PI4K2B: variants seen among roughly 807,000 people sequenced by gnomAD.
PI4K2B encodes phosphatidylinositol 4-kinase type 2 beta.
In PI4K2B, 46 loss-of-function variants were observed where a neutral mutation model predicts 56.6. That is an observed-to-expected ratio of 0.81 (90% CI 0.64 to 1.04). PI4K2B has a LOEUF of 1.04. Among genes scored for constraint, PI4K2B ranks in the 50% least tolerant of loss-of-function variants. The pLI, the probability that PI4K2B is intolerant of heterozygous loss-of-function variation, is 0.00. For synonymous variants in PI4K2B, 211 were observed against 223.8 expected (o/e 0.94, Z 0.51); for missense variants, 556 against 607.7 (o/e 0.91, Z 0.89).
chr4:25,239,503 G>T (rs1715424330), intron 1 of PI4K2B, among the ~76,000 whole-genome samples: 3 of 64,238 alleles, frequency 4.7e-5, no homozygotes, highest in South Asian at 8.4e-4. Context: ...CCCGGGGCCG[G>T]TGGGGCCGGC....
chr4:25,255,244 G>A lies in PI4K2B; in HGVS notation c.603G>A (p.Leu201=). Residue 201 remains leucine (L), a synonymous_variant, in exon 3 of 10, where the codon CTG becomes CTA. Transcript: ENST00000264864. ...ATCTTGTGGACAACAAGCTTCATCTGAGCATTGTACCTAAAACAAAGGTAA... is the reference window on the plus strand; with the variant it reads ...ATCTTGTGGACAACAAGCTTCATCTAAGCATTGTACCTAAAACAAAGGTAA... ...GAYLVDNKLH[L]SIVPKTKVVW... 1.9e-6 allele frequency: 3 copies of A among 1,614,010 alleles called. No individual in the cohort carries two copies. Among genetic ancestry groups the A allele is most frequent in the Non-Finnish European group, 1.7e-6 (2 of 1,179,918 alleles).
intron 1 of PI4K2B, among the ~76,000 whole-genome samples, chr4:25,245,679 C>T (rs943728747): frequency 2.8e-4 from 42 of 152,106 alleles, no homozygotes; most frequent in Middle Eastern, 6.3e-3. Context: ...ATTTAGCCCC[C>T]GTTCTAAGGA....
intron 6 of PI4K2B, among the ~76,000 whole-genome samples, chr4:25,261,950 A>G (rs1560376700): frequency 6.6e-6 from 1 of 152,164 alleles, no homozygotes; most frequent in Non-Finnish European, 1.5e-5. Context: ...ATAATAATAA[A>G]TGGCAGTTGT....
At chr4:25,265,661 C>T (rs1002258986) in intron 7 of PI4K2B, among the ~76,000 whole-genome samples, 2 of 152,076 alleles carry the variant, frequency 1.3e-5, no homozygotes, top group Non-Finnish European at 2.9e-5. Context: ...TTTTAATTGT[C>T]CATTATTACT....
At chr4:25,276,846 AACAT>A in intron 9 of PI4K2B, 164 bp from the exon 10 acceptor site, 5 of 984,604 alleles carry the variant, frequency 5.1e-6, no homozygotes, top group Non-Finnish European at 6.0e-6. Context: ...TGTGTGTGTA[AACAT>A]ACATTCATAT....
chr4:25,246,684 G>T lies in PI4K2B; in HGVS notation c.269-5637G>T, dbSNP rs531529902. ...CACCATGGAGCAGAGGGTGGTGCTT[G>T]TTGGGGAGGCTCGGGCTGCACAGGA... On this transcript the variant is annotated intron_variant, in intron 1 of 9. Transcript: ENST00000264864. Among the ~76,000 whole-genome samples, 4 of 152,352 alleles carry T rather than the reference G, an allele frequency of 2.6e-5. No individual in the cohort carries two copies. In the South Asian group the frequency reaches 6.2e-4, roughly 24 times the overall value.
At chr4:25,256,757 G>T in intron 4 of PI4K2B, 83 bp downstream of exon 4, 1 of 1,257,752 alleles carries the variant, frequency 8.0e-7, no homozygotes, top group Non-Finnish European at 1.1e-6. Flanking sequence ...TGTGCTATTA[G>T]CTGTGGATAT....
At chr4:25,265,198 C>CAAAAAAAAAAAAAAAAAAAAA (rs71188933) in intron 7 of PI4K2B, among the ~76,000 whole-genome samples, 4 of 65,396 alleles carry the variant, frequency 6.1e-5, no homozygotes, top group African/African-American at 2.0e-4. Flanking sequence ...TCTGTCTCAC[C>CAAAAAAAAAAAAAAAAAAAAA]AAAAAAAAAA....
intron 2 of PI4K2B, among the ~76,000 whole-genome samples, chr4:25,253,427 A>G (rs191864107): frequency 1.3e-5 from 2 of 152,282 alleles, no homozygotes; most frequent in East Asian, 1.9e-4. Context: ...ATTTCACCCA[A>G]TTTTTTTGGC....
chr4:25,277,917 T>G lies in PI4K2B; in HGVS notation c.*730T>G, dbSNP rs1296319550. The G allele has an allele frequency of 1.3e-5, 2 of 152,176 alleles. No homozygotes were observed. The highest frequency in any genetic ancestry group is 4.8e-5 in the African/African-American group (2 of 41,446). The allele number at this position is 152,176 out of a possible 1,614,324, so 9.4% of individuals were successfully genotyped here. ...CCCCAATATTTTGGAATACCAAAAT[T>G]GCCTTAAAAATTCCCTTCTGTTTCT... On this transcript the variant is annotated 3_prime_UTR_variant, in exon 10 of 10. Transcript: ENST00000264864.
chr4:25,266,431 G>T (rs1238499272), intron 7 of PI4K2B, among the ~76,000 whole-genome samples: 2 of 152,214 alleles, frequency 1.3e-5, no homozygotes, highest in East Asian at 3.9e-4. Flanking sequence ...CTTTTAATAG[G>T]TGCACTTTGT....
intron 1 of PI4K2B, among the ~76,000 whole-genome samples, chr4:25,249,838 A>G (rs371188979): frequency 2.0e-5 from 3 of 152,208 alleles, no homozygotes; most frequent in African/African-American, 7.2e-5. Context: ...CAGAGACTGC[A>G]ATCTCGGCAC....
chr4:25,245,494 C>G (rs1016676427), intron 1 of PI4K2B, among the ~76,000 whole-genome samples: 1 of 152,108 alleles, frequency 6.6e-6, no homozygotes, highest in African/African-American at 2.4e-5. Flanking sequence ...TCTCTGTCGA[C>G]CCTCGGCTCA....
rs927895480 is a variant in PI4K2B, at chr4:25,277,936, T to C, written c.*749T>C. On this transcript the variant is annotated 3_prime_UTR_variant, in exon 10 of 10. Transcript: ENST00000264864. ...CAAAATTGCCTTAAAAATTCCCTTC[T>C]GTTTCTTACATGGGATCAAATACTT... 6.6e-6 allele frequency: 1 copy of C among 152,192 alleles called. No homozygotes were observed. Among genetic ancestry groups the C allele is most frequent in the Non-Finnish European group, 1.5e-5 (1 of 68,026 alleles). The allele number at this position is 152,192 out of a possible 1,614,324, so 9.4% of individuals were successfully genotyped here. A position where few individuals can be genotyped will look rare whatever the true frequency, so the allele number is the denominator to read the frequency against.
chr4:25,256,650 T>G lies in PI4K2B; in HGVS notation c.732T>G (p.Phe244Leu). The G allele has an allele frequency of 1.9e-6, 3 of 1,613,912 alleles. No individual in the cohort carries two copies. The highest frequency in any genetic ancestry group is 2.5e-6 in the Non-Finnish European group (3 of 1,179,906). ...LEKVPKVGRK[F>L]HRIGLPPKIG... ...AAGTGCCAAAAGTGGGTAGAAAGTT[T>G]CATAGGATAGGACTCCCTCCTAAGG... Residue 244 changes from phenylalanine to leucine, a missense_variant, in exon 4 of 10, where the codon TTT becomes TTG. Phe to Leu is a conservative substitution (Grantham distance 22). Transcript: ENST00000264864.
In PI4K2B at chr4:25,278,436, T is replaced by G. The variant is rs1051240860; in HGVS notation, c.*1249T>G. 6.6e-6 allele frequency: 1 copy of G among 152,238 alleles called. No homozygotes were observed. The highest frequency in any genetic ancestry group is 1.5e-5 in the Non-Finnish European group (1 of 68,038). 9.4% of individuals were successfully genotyped at this position (152,238 alleles called of 1,614,324 possible). A position where few individuals can be genotyped will look rare whatever the true frequency, so the allele number is the denominator to read the frequency against. ...GGTCTAGGCCTTTTGTTTTCTAAGC[T>G]TACTATCTTGTGTTTGTTTATTTGC... On this transcript the variant is annotated 3_prime_UTR_variant, in exon 10 of 10. Transcript: ENST00000264864.
chr4:25,253,096 T>C (rs1716128606), intron 2 of PI4K2B, among the ~76,000 whole-genome samples: 1 of 152,226 alleles, frequency 6.6e-6, no homozygotes, highest in Admixed American at 6.5e-5. Context: ...TCTATAACCT[T>C]AATAGCCAAA....
At chr4:25,242,258 C>T (rs313552) in intron 1 of PI4K2B, among the ~76,000 whole-genome samples, 125,046 of 152,160 alleles carry the variant, frequency 0.82, 51,455 homozygotes, top group Non-Finnish European at 0.83. Flanking sequence ...TCCAAACTGG[C>T]AGCCAAAAGT....
chr4:25,257,379 C>T (rs1332077145), intron 4 of PI4K2B, among the ~76,000 whole-genome samples: 1 of 152,042 alleles, frequency 6.6e-6, no homozygotes, highest in Non-Finnish European at 1.5e-5. Flanking sequence ...TTACTCTAAG[C>T]TCCAGTTTCT....
Sources: gnomAD v4.1 joint callset for allele counts (sites outside exome capture counted in the v4.1 genomes callset) on GRCh38, gnomAD v4.1.1 for gene constraint, MANE v1.5 for transcripts, NCBI Gene and HGNC (gene_info 2026-07-23, HGNC 2026-07-21) for gene names.